HSPA12A: variants seen among roughly 807,000 people sequenced by gnomAD.
HSPA12A encodes heat shock 70 kDa protein 12A.
HSPA12A carries 28 observed loss-of-function variants against 69.2 expected under a neutral mutation model. The ratio of observed to expected loss-of-function variants is 0.40; its 90% CI spans 0.30 to 0.55. The LOEUF (loss-of-function observed/expected upper bound fraction) is 0.55, where lower values mean the gene tolerates loss of function less well. Among genes scored for constraint, HSPA12A ranks in the 20% least tolerant of loss-of-function variants. The pLI, the probability that HSPA12A is intolerant of heterozygous loss-of-function variation, is 0.38. For missense variants in HSPA12A, 686 were observed against 900.7 expected, an observed-to-expected ratio of 0.76 and a Z score of 3.05; for synonymous variants, 345 against 370.5, an observed-to-expected ratio of 0.93 and a Z score of 0.79.
intron 2 of HSPA12A, among the ~76,000 whole-genome samples, chr10:116,784,875 T>G (rs1844544234): frequency 6.6e-6 from 1 of 152,170 alleles, no homozygotes; most frequent in Admixed American, 6.5e-5. Flanking sequence ...GCTGTCAGTC[T>G]GGGCTGGAGA....
At chr10:116,775,010 C>T (rs1554890958) in intron 2 of HSPA12A, among the ~76,000 whole-genome samples, 1 of 152,212 alleles carries the variant, frequency 6.6e-6, no homozygotes. Context: ...TTGGGGGACT[C>T]CAGCATTCCT....
intron 2 of HSPA12A, among the ~76,000 whole-genome samples, chr10:116,779,592 C>A (rs1287144336): frequency 2.0e-5 from 3 of 152,158 alleles, no homozygotes; most frequent in Non-Finnish European, 2.9e-5. Flanking sequence ...ACTCTGTCAG[C>A]CCCAGGCCCG....
chr10:116,838,742 G>C (rs1275049559), intron 1 of HSPA12A, among the ~76,000 whole-genome samples: 3 of 152,144 alleles, frequency 2.0e-5, no homozygotes, highest in Non-Finnish European at 4.4e-5. Flanking sequence ...GCTGGGGCTT[G>C]CTTTAAAAAA....
At chr10:116,777,973 G>C (rs1484960614) in intron 2 of HSPA12A, among the ~76,000 whole-genome samples, 1 of 152,106 alleles carries the variant, frequency 6.6e-6, no homozygotes, top group South Asian at 2.1e-4. Context: ...TGATCCGCCC[G>C]CCTCAACCTC....
chr10:116,764,104 C>A (rs975912243), intron 2 of HSPA12A, among the ~76,000 whole-genome samples: 1 of 152,130 alleles, frequency 6.6e-6, no homozygotes, highest in Non-Finnish European at 1.5e-5. Flanking sequence ...CTCATGGGAC[C>A]CTCTATTACA....
intron 1 of HSPA12A, among the ~76,000 whole-genome samples, chr10:116,733,251 A>G (rs957743702): frequency 6.6e-6 from 1 of 152,172 alleles, no homozygotes; most frequent in Non-Finnish European, 1.5e-5. Context: ...TAAAGGAAAG[A>G]AAAGGAAGTA....
At chr10:116,835,955 C>G (rs1161324486) in intron 1 of HSPA12A, among the ~76,000 whole-genome samples, 1 of 152,098 alleles carries the variant, frequency 6.6e-6, no homozygotes, top group Non-Finnish European at 1.5e-5. Context: ...AGTGAAAATG[C>G]TGGAAAATGT....
intron 2 of HSPA12A, among the ~76,000 whole-genome samples, chr10:116,808,062 G>A (rs990469732): frequency 5.3e-5 from 8 of 152,166 alleles, no homozygotes; most frequent in Non-Finnish European, 8.8e-5. Flanking sequence ...TTCTGAGGAC[G>A]CTGGTCCCCT....
chr10:116,819,557 G>A (rs151091880), intron 2 of HSPA12A, among the ~76,000 whole-genome samples: 16 of 152,264 alleles, frequency 1.1e-4, no homozygotes, highest in East Asian at 9.7e-4. Context: ...TATGAGGAAC[G>A]AGCCCTCACC....
At chr10:116,736,378 A>G (rs2133058023) in intron 1 of HSPA12A, among the ~76,000 whole-genome samples, 1 of 152,328 alleles carries the variant, frequency 6.6e-6, no homozygotes, top group South Asian at 2.1e-4. Context: ...TGAGGGACAC[A>G]GAAGACTCTC....
intron 2 of HSPA12A, among the ~76,000 whole-genome samples, chr10:116,817,353 G>T (rs1393943565): frequency 6.6e-6 from 1 of 152,114 alleles, no homozygotes; most frequent in Non-Finnish European, 1.5e-5. Context: ...TGGCATTCCA[G>T]AGACAATAGG....
chr10:116,801,030 A>C (rs1216922914), intron 2 of HSPA12A, among the ~76,000 whole-genome samples: 2 of 152,194 alleles, frequency 1.3e-5, no homozygotes, highest in Non-Finnish European at 2.9e-5. Flanking sequence ...GAGGGATGTG[A>C]ATCACAGTTA....
At chr10:116,824,035 T>C (rs1456905830) in intron 2 of HSPA12A, among the ~76,000 whole-genome samples, 1 of 152,106 alleles carries the variant, frequency 6.6e-6, no homozygotes, top group Non-Finnish European at 1.5e-5. Context: ...CTAAAATATA[T>C]AAAGAACTCT....
intron 4 of HSPA12A, 112 bp downstream of exon 4, chr10:116,700,831 A>G (rs1850057535): frequency 2.1e-6 from 2 of 931,766 alleles, no homozygotes; most frequent in Non-Finnish European, 3.3e-6. Context: ...TCTGCTTGGA[A>G]GAGACCAGAG....
chr10:116,724,136 G>A (rs1328112722), intron 1 of HSPA12A, among the ~76,000 whole-genome samples: 1 of 152,106 alleles, frequency 6.6e-6, no homozygotes, highest in Non-Finnish European at 1.5e-5. Context: ...GAAACCACTG[G>A]ATCTTGAAAG....
At chr10:116,804,028 C>G (rs1165187744) in intron 2 of HSPA12A, among the ~76,000 whole-genome samples, 1 of 152,136 alleles carries the variant, frequency 6.6e-6, no homozygotes, top group Non-Finnish European at 1.5e-5. Context: ...CTCCTCATCC[C>G]CACTCACAAA....
At chr10:116,816,945 T>C (rs1480175920) in intron 2 of HSPA12A, among the ~76,000 whole-genome samples, 1 of 152,200 alleles carries the variant, frequency 6.6e-6, no homozygotes, top group Admixed American at 6.5e-5. Flanking sequence ...GCTCCAGTCA[T>C]GACATCACGA....
At chr10:116,767,251 C>T (rs1441553834) in intron 2 of HSPA12A, among the ~76,000 whole-genome samples, 2 of 152,298 alleles carry the variant, frequency 1.3e-5, no homozygotes, top group Middle Eastern at 3.4e-3. Context: ...GCCTGGGCCA[C>T]GGAGACTGGA....
chr10:116,757,016 G>A (rs1192049384), intron 2 of HSPA12A, among the ~76,000 whole-genome samples: 4 of 152,008 alleles, frequency 2.6e-5, no homozygotes, highest in Non-Finnish European at 5.9e-5. Context: ...CCTAGAGACA[G>A]GTAATAGTAT....
Sources: allele counts gnomAD v4.1 joint callset (sites outside exome capture counted in the v4.1 genomes callset), GRCh38; gene constraint gnomAD v4.1.1; transcripts MANE v1.5; gene names NCBI Gene and HGNC (gene_info 2026-07-23, HGNC 2026-07-21).